Variants in DPP6 observed in about 807,000 individuals in gnomAD.
The protein encoded by DPP6 is dipeptidyl peptidase like 6.
A neutral mutation model predicts 122.6 loss-of-function variants in DPP6; 69 were observed. That is an observed-to-expected ratio of 0.56 (90% CI 0.46 to 0.69). The LOEUF (loss-of-function observed/expected upper bound fraction) is 0.69. Among genes scored for constraint, DPP6 ranks in the 30% least tolerant of loss-of-function variants. The pLI, the probability that DPP6 is intolerant of heterozygous loss-of-function variation, is 0.00. For synonymous variants in DPP6, 418 were observed against 433.1 expected (o/e 0.97, Z 0.43); for missense variants, 928 against 1,116.9 (o/e 0.83, Z 2.41).
intron 4 of DPP6, among the ~76,000 whole-genome samples, chr7:154,543,470 C>G (rs973840695): frequency 6.6e-6 from 1 of 152,140 alleles, no homozygotes. Context: ...GATGGAAGGG[C>G]CTGCAAATCA....
intron 1 of DPP6, chr7:154,092,749 T>C (rs1245852881): frequency 2.0e-5 from 3 of 152,074 alleles, no homozygotes; most frequent in African/African-American, 7.2e-5. Flanking sequence ...AACAAGTAAT[T>C]GTGGGGCGAT....
Position 154,603,116 on chromosome 7 carries a change from T to C in DPP6, c.628-34705T>C, listed in dbSNP as rs1428566149. ...AACTCTATTACCATTCTCATCTTTT[T>C]TTCCTTTGTGTATATGTTTCTTTTC... On this transcript the variant is annotated intron_variant, in intron 5 of 25. Coordinates refer to ENST00000377770, the MANE Select transcript of DPP6 (RefSeq NM_130797.4). Among the ~76,000 whole-genome samples the C allele has an allele frequency of 1.7e-5, 2 of 120,426 alleles. 1 individual carries two copies. The highest frequency in any genetic ancestry group is 3.7e-5 in the Non-Finnish European group (2 of 53,572). 79.0% of individuals were successfully genotyped at this position (120,426 alleles called of 152,430 possible).
At chr7:154,235,871 G>A (rs1159861213) in intron 1 of DPP6, among the ~76,000 whole-genome samples, 1 of 151,868 alleles carries the variant, frequency 6.6e-6, no homozygotes, top group African/African-American at 2.4e-5. Flanking sequence ...TATTTATTTT[G>A]AGACAAAGTC....
rs1420964480 is a variant in DPP6 at position 154,063,108 on chromosome 7, C to G, written c.243+10045C>G. 7.1e-5 allele frequency among the ~76,000 whole-genome samples: 9 copies of G among 126,230 alleles called. 1 individual carries two copies. Among genetic ancestry groups the G allele is most frequent in the East Asian group, 4.6e-4 (2 of 4,360 alleles). The allele number at this position is 126,230 out of a possible 152,430, so 82.8% of individuals were successfully genotyped here. A position where few individuals can be genotyped will look rare whatever the true frequency, so the allele number is the denominator to read the frequency against. On this transcript the variant is annotated intron_variant, in intron 1 of 25. Transcript: ENST00000377770. Reference sequence around the variant, plus strand: ...CTTCCGCCCCTGGCTGTTAGTACCCCCATCGCAGGGGGGGAGGCACCCCCC... The same window carrying G: ...CTTCCGCCCCTGGCTGTTAGTACCCGCATCGCAGGGGGGGAGGCACCCCCC...
intron 5 of DPP6, among the ~76,000 whole-genome samples, chr7:154,629,338 T>C (rs1835273103): frequency 6.6e-6 from 1 of 152,202 alleles, no homozygotes; most frequent in Admixed American, 6.5e-5. Flanking sequence ...TTTATTTTTT[T>C]CCTTCAGGTT....
intron 16 of DPP6, among the ~76,000 whole-genome samples, chr7:154,846,144 TATTTATTTTTA>T (rs1269633395): frequency 1.3e-5 from 2 of 151,724 alleles, no homozygotes; most frequent in African/African-American, 4.8e-5. Flanking sequence ...TTTTTGGTAA[TATTTATTTTTA>T]ATTTATTTTT....
At chr7:154,076,552 A>G (rs1350812075) in intron 1 of DPP6, among the ~76,000 whole-genome samples, 1 of 150,980 alleles carries the variant, frequency 6.6e-6, no homozygotes, top group African/African-American at 2.4e-5. Context: ...CTTAGAATAA[A>G]GCCTGAGATT....
intron 1 of DPP6, among the ~76,000 whole-genome samples, chr7:154,167,643 G>C (rs974062398): frequency 6.6e-6 from 1 of 152,164 alleles, no homozygotes; most frequent in African/African-American, 2.4e-5. Context: ...GACCTGCAGG[G>C]GGTTAGGTAG....
intron 1 of DPP6, among the ~76,000 whole-genome samples, chr7:154,369,663 G>A (rs1234148524): frequency 2.6e-5 from 4 of 152,168 alleles, no homozygotes; most frequent in Admixed American, 2.6e-4. Context: ...ACCACACCCA[G>A]CCTCAACTGT....
At chr7:154,306,131 G>A (rs144261774) in intron 1 of DPP6, among the ~76,000 whole-genome samples, 1 of 152,162 alleles carries the variant, frequency 6.6e-6, no homozygotes, top group Non-Finnish European at 1.5e-5. Flanking sequence ...ATAGACGGTC[G>A]GGATAAAGGA....
chr7:153,808,902 C>T, the DPP6 span, among the ~76,000 whole-genome samples: 1 of 152,108 alleles, frequency 6.6e-6, no homozygotes, highest in Non-Finnish European at 1.5e-5. Flanking sequence ...TTTTAACGTA[C>T]ACCCAGAAGT....
intron 6 of DPP6, among the ~76,000 whole-genome samples, chr7:154,651,838 A>G (rs548845625): frequency 1.3e-5 from 2 of 152,204 alleles, no homozygotes; most frequent in African/African-American, 4.8e-5. Flanking sequence ...CTGTGCCCCC[A>G]CAGCCCCAGG....
chr7:154,835,736 T>C (rs921118650), intron 16 of DPP6, among the ~76,000 whole-genome samples: 2 of 152,208 alleles, frequency 1.3e-5, no homozygotes, highest in African/African-American at 4.8e-5. Context: ...GCCCAGAGTG[T>C]ACAAAATGCC....
At chr7:153,939,467 A>G (rs765169862) in intron 1 of DPP6, among the ~76,000 whole-genome samples, 17 of 152,216 alleles carry the variant, frequency 1.1e-4, no homozygotes, top group Non-Finnish European at 2.2e-4. Flanking sequence ...TAAACCAACA[A>G]TTACTGAAAT....
chr7:154,554,818 G>T (rs1351180524), intron 4 of DPP6, among the ~76,000 whole-genome samples: 2 of 152,098 alleles, frequency 1.3e-5, no homozygotes, highest in Admixed American at 6.5e-5. Context: ...ATATGCTAAA[G>T]TCAGGTTTAA....
In DPP6 at chr7:154,794,116, A is replaced by G; in HGVS notation, c.1174A>G (p.Thr392Ala). The G allele has an allele frequency of 1.9e-6, 3 of 1,613,682 alleles. No homozygotes were observed. Among genetic ancestry groups the G allele is most frequent in the Non-Finnish European group, 2.5e-6 (3 of 1,179,742 alleles). Reference protein sequence around the residue: ...YITMVKWATSTKVAVTWLNRA... With the variant: ...YITMVKWATSAKVAVTWLNRA... ...CACCATGGTGAAGTGGGCCACCAGC[A>G]CCAAGGTCGCCGTGACCTGGCTGAA... is the stretch of plus-strand genomic sequence containing the variant. Residue 392 changes from threonine to alanine, a missense_variant, in exon 11 of 26, where the codon ACC becomes GCC. Physicochemically the swap from Thr to Ala is moderately conservative, Grantham distance 58. Coordinates refer to ENST00000377770, the MANE Select transcript of DPP6 (RefSeq NM_130797.4).
chr7:154,851,072 T>G (rs1241507077), intron 16 of DPP6, among the ~76,000 whole-genome samples: 1 of 152,256 alleles, frequency 6.6e-6, no homozygotes, highest in Non-Finnish European at 1.5e-5. Context: ...ACATTTAGGT[T>G]ACTTCTGGGA....
chr7:153,809,913 G>A, the DPP6 span, among the ~76,000 whole-genome samples: 3 of 150,718 alleles, frequency 2.0e-5, no homozygotes, highest in Non-Finnish European at 3.0e-5. Context: ...ATGTGTTAGG[G>A]ATCATTATTT....
chr7:153,916,052 T>C (rs557403961), intron 1 of DPP6, among the ~76,000 whole-genome samples: 2 of 151,818 alleles, frequency 1.3e-5, no homozygotes, highest in East Asian at 2.0e-4. Flanking sequence ...CTGCAAGCTC[T>C]GCCTCCCAGG....
Sources: gnomAD v4.1 joint callset for allele counts (sites outside exome capture counted in the v4.1 genomes callset) on GRCh38, gnomAD v4.1.1 for gene constraint, MANE v1.5 for transcripts, NCBI Gene and HGNC (gene_info 2026-07-23, HGNC 2026-07-21) for gene names.